Variants in CFAP46 observed in about 807,000 individuals in gnomAD.
The protein encoded by CFAP46 is cilia and flagella associated protein 46, also known as cilia- and flagella-associated protein 46.
In CFAP46, 245 loss-of-function variants were observed where a neutral mutation model predicts 325.7. The ratio of observed to expected loss-of-function variants is 0.75; its 90% confidence interval spans 0.68 to 0.84. The LOEUF (loss-of-function observed/expected upper bound fraction) is 0.84, where lower values mean the gene tolerates loss of function less well. Ranked by LOEUF, CFAP46 falls within the 40% of genes least tolerant of loss-of-function variation. CFAP46 has a pLI of 0.00. For synonymous variants in CFAP46, 1,523 were observed against 1,495.9 expected (o/e 1.02, Z -0.42); for missense variants, 3,346 against 3,543.0 (o/e 0.94, Z 1.41).
chr10:132,910,653 G>C (rs1849528218), intron 19 of CFAP46, among the ~76,000 whole-genome samples: 2 of 152,220 alleles, frequency 1.3e-5, no homozygotes, highest in Admixed American at 1.3e-4. Flanking sequence ...GCCCGGTGCA[G>C]GAAGCACTGG....
At chr10:132,850,206 G>A in intron 41 of CFAP46, 38 bp downstream of exon 41, 1 of 1,545,674 alleles carries the variant, frequency 6.5e-7, no homozygotes, top group Non-Finnish European at 8.7e-7. Context: ...GGTGACTGGT[G>A]TTGGAGCCAG....
intron 50 of CFAP46, among the ~76,000 whole-genome samples, chr10:132,818,328 C>T (rs562653929): frequency 7.2e-5 from 11 of 152,012 alleles, no homozygotes; most frequent in Admixed American, 6.6e-5. Context: ...TAGGTGGAAA[C>T]GTGAAAGGTG....
chr10:132,817,902 G>A lies in CFAP46; in HGVS notation c.7118-2988C>T, dbSNP rs1052293084. ...GGCCGCGCTCTGCCTGGAGGCTCCC[G>A]GGGAGAATCCTCTCCTGGCTCCTGG... On this transcript the variant is annotated intron_variant, in intron 50 of 57. Coordinates refer to ENST00000368586, the MANE Select transcript of CFAP46 (RefSeq NM_001200049.3). The surrounding 1 kb of genome is among the most constrained non-coding windows in gnomAD (Gnocchi z 4.4). 4.6e-5 allele frequency among the ~76,000 whole-genome samples: 7 copies of A among 152,218 alleles called. No individual in the cohort carries two copies. The highest frequency in any genetic ancestry group is 2.1e-4 in the South Asian group (1 of 4,828).
At position 132,909,171 on chromosome 10, in the gene CFAP46, C is replaced by G. The variant is rs1409987813; in HGVS notation, c.2723G>C (p.Gly908Ala). 1 of 1,550,068 alleles carries G rather than the reference C, an allele frequency of 6.5e-7. No individual in the cohort carries two copies. The highest frequency in any genetic ancestry group is 8.7e-7 in the Non-Finnish European group (1 of 1,146,898). Residue 908 changes from glycine to alanine, a missense_variant, in exon 21 of 58, where the codon GGC becomes GCC. Transcript: ENST00000368586. ...ALEMYSCNGL[G>A]LMDFTVPSLA... ...GGAGGGGACAGTGAAGTCCATGAGGCCCAGCCCGTTGCATGAGTACATTTC... is the reference window on the plus strand; with the variant it reads ...GGAGGGGACAGTGAAGTCCATGAGGGCCAGCCCGTTGCATGAGTACATTTC...
At chr10:132,824,720 C>G (rs1388380098) in intron 50 of CFAP46, among the ~76,000 whole-genome samples, 4 of 45,074 alleles carry the variant, frequency 8.9e-5, no homozygotes, top group Non-Finnish European at 1.6e-4. Context: ...TGTGTGTGTA[C>G]TGATGTGTGC....
chr10:132,912,591 CT>C (rs1241084670), intron 19 of CFAP46, 63 bp downstream of exon 19: 1,024 of 1,420,642 alleles, frequency 7.2e-4, no homozygotes, highest in Middle Eastern at 2.7e-3. Context: ...TCTCCTCTCT[CT>C]CTCTCCTCTC....
chr10:132,808,639 C>T lies in CFAP46; in HGVS notation c.7930G>A (p.Gly2644Ser), dbSNP rs1342524342. The T allele has an allele frequency of 1.2e-6, 2 of 1,605,092 alleles. No homozygotes were observed. The highest frequency in any genetic ancestry group is 1.7e-6 in the Non-Finnish European group (2 of 1,175,994). The change falls in exon 58 of 58, where the codon GGT becomes AGT. Residue 2644 changes from glycine to serine, a missense_variant. Gly to Ser is a moderately conservative substitution (Grantham distance 56, BLOSUM62 0). Coordinates refer to ENST00000368586, the MANE Select transcript of CFAP46 (RefSeq NM_001200049.3). The surrounding 1 kb of genome is among the most constrained non-coding windows in gnomAD (Gnocchi z 6.8). ...LPFLGLSPAL[G>S]AASARDPPPA... ...GGAGGGTCCCTGGCTGAGGCTGCACCAAGGGCTGGGGAGAGGCCCAGGAAG... is the reference window on the plus strand; with the variant it reads ...GGAGGGTCCCTGGCTGAGGCTGCACTAAGGGCTGGGGAGAGGCCCAGGAAG...
intron 50 of CFAP46, among the ~76,000 whole-genome samples, chr10:132,824,709 CTG>C (rs1466696536): frequency 1.8e-5 from 1 of 54,714 alleles, no homozygotes; most frequent in South Asian, 6.2e-4. Context: ...CTGATGTGTG[CTG>C]TGTGTGTACT....
At chr10:132,888,364 A>C (rs978997747) in intron 25 of CFAP46, among the ~76,000 whole-genome samples, 1,732 of 40,918 alleles carry the variant, frequency 0.042, 168 homozygotes, top group African/African-American at 0.12. Context: ...TGCCGCCTGC[A>C]CCTGCCACCT....
intron 50 of CFAP46, among the ~76,000 whole-genome samples, chr10:132,825,242 C>T (rs1288402152): frequency 1.6e-5 from 2 of 126,336 alleles, no homozygotes; most frequent in African/African-American, 5.7e-5. Context: ...TGTGTGTGCC[C>T]TGATGTGTGC....
intron 39 of CFAP46, among the ~76,000 whole-genome samples, chr10:132,852,126 A>C (rs56273004): frequency 7.0e-5 from 9 of 129,258 alleles, no homozygotes; most frequent in Middle Eastern, 5.2e-3. Context: ...TTTACTTAGG[A>C]ATTCTCAGAT....
chr10:132,897,995 C>CCT (rs5789146), intron 24 of CFAP46, among the ~76,000 whole-genome samples: 92,741 of 151,934 alleles, frequency 0.61, 29,707 homozygotes, highest in African/African-American at 0.8. Flanking sequence ...GCCCCACTCC[C>CCT]GTCCTCCTCC....
chr10:132,836,235 G>A lies in CFAP46; in HGVS notation c.6537-17C>T. 6.2e-7 allele frequency: 1 copy of A among 1,610,348 alleles called. No homozygotes were observed. The highest frequency in any genetic ancestry group is 1.3e-5 in the African/African-American group (1 of 74,678). On this transcript the variant is annotated splice_polypyrimidine_tract_variant and intron_variant, in intron 45 of 57. Transcript: ENST00000368586. Reference sequence around the variant, plus strand: ...AGACGGGACCTGCTGGCAGGACGTGGGCCAGGGTCGCAGGCAAGCCATGAA... The same window carrying A: ...AGACGGGACCTGCTGGCAGGACGTGAGCCAGGGTCGCAGGCAAGCCATGAA...
chr10:132,878,258 G>C (rs1015500493), intron 29 of CFAP46, among the ~76,000 whole-genome samples, 171 bp from the exon 30 acceptor site: 2 of 152,218 alleles, frequency 1.3e-5, no homozygotes, highest in Admixed American at 1.3e-4. Context: ...CCTAGAGCAC[G>C]GAGCTGGGCT....
chr10:132,928,343 A>G (rs1849841794), intron 9 of CFAP46, among the ~76,000 whole-genome samples: 1 of 152,156 alleles, frequency 6.6e-6, no homozygotes, highest in Non-Finnish European at 1.5e-5. Context: ...AATGGGGCCC[A>G]CAGAAGCCGG....
At chr10:132,880,661 G>A (rs545599462) in intron 28 of CFAP46, among the ~76,000 whole-genome samples, 200 bp downstream of exon 28, 13 of 49,554 alleles carry the variant, frequency 2.6e-4, no homozygotes, top group African/African-American at 1.1e-3. Flanking sequence ...ACTGAGACAC[G>A]TCAGGGGCCC....
At chr10:132,852,130 C>T (rs562679923) in intron 39 of CFAP46, among the ~76,000 whole-genome samples, 1 of 139,136 alleles carries the variant, frequency 7.2e-6, no homozygotes, top group African/African-American at 2.7e-5. Flanking sequence ...CTTAGGAATT[C>T]TCAGATCCTG....
chr10:132,833,551 C>A (rs1303302087), intron 49 of CFAP46, 26 bp from the exon 50 acceptor site: 1 of 1,601,036 alleles, frequency 6.2e-7, no homozygotes, highest in East Asian at 2.2e-5. Flanking sequence ...GCAGGGAGAT[C>A]AGCTCCTGAA....
At chr10:132,822,449 T>C (rs1847881016) in intron 50 of CFAP46, among the ~76,000 whole-genome samples, 1 of 143,070 alleles carries the variant, frequency 7.0e-6, no homozygotes, top group Admixed American at 7.0e-5. Context: ...TGTGCAGTGA[T>C]GTGTGCTGTG....
Sources: gnomAD v4.1 joint callset for allele counts (sites outside exome capture counted in the v4.1 genomes callset) on GRCh38, gnomAD v4.1.1 for gene constraint, Gnocchi (gnomAD v3.1) non-coding constraint, MANE v1.5 for transcripts, NCBI Gene and HGNC (gene_info 2026-07-23, HGNC 2026-07-21) for gene names.